GALNTL6: variants seen among roughly 807,000 people sequenced by gnomAD.
GALNTL6 encodes polypeptide N-acetylgalactosaminyltransferase like 6.
Under a neutral mutation model 73.7 loss-of-function variants are expected in GALNTL6, and 46 were observed. That is an observed-to-expected ratio of 0.62 (90% CI 0.49 to 0.80). The LOEUF is 0.80. Among genes scored for constraint, GALNTL6 ranks in the 30% least tolerant of loss-of-function variants. The pLI, the probability that GALNTL6 is intolerant of heterozygous loss-of-function variation, is 0.00. For synonymous variants in GALNTL6, 259 were observed against 263.7 expected (o/e 0.98, Z 0.17); for missense variants, 604 against 755.0 (o/e 0.80, Z 2.34).
chr4:172,765,237 C>G (rs2110841635), intron 5 of GALNTL6, among the ~76,000 whole-genome samples: 1 of 152,250 alleles, frequency 6.6e-6, no homozygotes, highest in South Asian at 2.1e-4. Flanking sequence ...GAAGGATCAA[C>G]TGCAGTGACA....
intron 5 of GALNTL6, among the ~76,000 whole-genome samples, chr4:172,741,942 C>T (rs1736829114): frequency 6.6e-6 from 1 of 151,308 alleles, no homozygotes; most frequent in Non-Finnish European, 1.5e-5. Flanking sequence ...GCTGACAATC[C>T]TATATAAAAC....
intron 2 of GALNTL6, among the ~76,000 whole-genome samples, chr4:171,967,456 T>TTTTTGTTTTG (rs1553976649): frequency 1.4e-5 from 2 of 140,708 alleles, no homozygotes; most frequent in African/African-American, 5.0e-5. Flanking sequence ...GGTTTTTTTT[T>TTTTTGTTTTG]TTTTTTTTTG....
chr4:171,868,085 C>T (rs1304179710), intron 2 of GALNTL6, among the ~76,000 whole-genome samples: 1 of 150,908 alleles, frequency 6.6e-6, no homozygotes, highest in Non-Finnish European at 1.5e-5. Flanking sequence ...CTCCTGGTCT[C>T]GAGCAATCCT....
At chr4:172,973,480 C>T (rs892148852) in intron 10 of GALNTL6, among the ~76,000 whole-genome samples, 12 of 151,878 alleles carry the variant, frequency 7.9e-5, no homozygotes, top group Non-Finnish European at 1.6e-4. Context: ...TCAATAAGTC[C>T]GTGGCAGAGA....
At chr4:172,606,566 C>CAT (rs1201826663) in intron 5 of GALNTL6, among the ~76,000 whole-genome samples, 1 of 133,720 alleles carries the variant, frequency 7.5e-6, no homozygotes, top group Non-Finnish European at 1.6e-5. Context: ...TATATATATA[C>CAT]ATATACATAG....
chr4:172,256,146 T>A (rs1738068238), intron 3 of GALNTL6, among the ~76,000 whole-genome samples: 1 of 151,500 alleles, frequency 6.6e-6, no homozygotes, highest in South Asian at 2.1e-4. Context: ...AAAATCACCA[T>A]CATCTTCCTG....
chr4:172,844,343 G>C (rs947383998), intron 7 of GALNTL6, among the ~76,000 whole-genome samples: 3 of 152,160 alleles, frequency 2.0e-5, no homozygotes, highest in Non-Finnish European at 4.4e-5. Flanking sequence ...ACCTTCTGAA[G>C]TTGGTGACTG....
At chr4:172,042,176 G>T (rs1218203844) in intron 2 of GALNTL6, among the ~76,000 whole-genome samples, 1 of 151,956 alleles carries the variant, frequency 6.6e-6, no homozygotes, top group African/African-American at 2.4e-5. Context: ...CCAAAACAAT[G>T]AAGTATAATA....
At chr4:172,293,133 CATCCT>C (rs1380461558) in intron 3 of GALNTL6, among the ~76,000 whole-genome samples, 2 of 152,108 alleles carry the variant, frequency 1.3e-5, no homozygotes, top group African/African-American at 4.8e-5. Flanking sequence ...TATTCTAAGT[CATCCT>C]ACTCTTCACT....
intron 2 of GALNTL6, among the ~76,000 whole-genome samples, chr4:171,846,287 A>C (rs1031154506): frequency 2.0e-5 from 3 of 152,204 alleles, no homozygotes; most frequent in African/African-American, 7.2e-5. Flanking sequence ...ACTTGCAGAC[A>C]GTGCAAAGTA....
chr4:172,495,503 G>A (rs1267546269), intron 5 of GALNTL6, among the ~76,000 whole-genome samples: 1 of 152,158 alleles, frequency 6.6e-6, no homozygotes, highest in Non-Finnish European at 1.5e-5. Flanking sequence ...CCTCTGCTGT[G>A]TCTTTTGGCC....
At chr4:171,989,921 C>G (rs906115569) in intron 2 of GALNTL6, among the ~76,000 whole-genome samples, 3 of 152,114 alleles carry the variant, frequency 2.0e-5, no homozygotes, top group Non-Finnish European at 4.4e-5. Context: ...GAAAAAGGAG[C>G]ATTAACCTTG....
intron 2 of GALNTL6, among the ~76,000 whole-genome samples, chr4:171,826,776 C>T (rs1381347397): frequency 6.6e-6 from 1 of 151,852 alleles, no homozygotes; most frequent in Admixed American, 6.6e-5. Flanking sequence ...GAAAAAGCAG[C>T]TTTTGGAAGA....
rs148458854 is a variant in GALNTL6 at position 171,994,713 on chromosome 4, G to A, written c.138+179995G>A. On this transcript the variant is annotated intron_variant, in intron 2 of 12. Coordinates refer to ENST00000506823, the MANE Select transcript of GALNTL6 (RefSeq NM_001034845.3). Reference sequence around the variant, plus strand: ...GTTTTGTTGCTGTGTTATTGCTATTGCAATACAAAATATGAAAAAAAAAGA... The same window carrying A: ...GTTTTGTTGCTGTGTTATTGCTATTACAATACAAAATATGAAAAAAAAAGA... Among the ~76,000 whole-genome samples the A allele has an allele frequency of 3.7e-3, 541 of 145,302 alleles. 5 individuals are homozygous for A. Among genetic ancestry groups the A allele is most frequent in the Non-Finnish European group, 6.6e-3 (423 of 64,286 alleles).
chr4:171,910,813 C>CA (rs1360575436), intron 2 of GALNTL6, among the ~76,000 whole-genome samples: 1 of 151,908 alleles, frequency 6.6e-6, no homozygotes, highest in Non-Finnish European at 1.5e-5. Flanking sequence ...TTTTCTTAAT[C>CA]AACAGGTTGG....
chr4:172,627,269 T>C (rs1441969810), intron 5 of GALNTL6, among the ~76,000 whole-genome samples: 1 of 152,152 alleles, frequency 6.6e-6, no homozygotes, highest in Non-Finnish European at 1.5e-5. Context: ...CTTTTGTTTT[T>C]AATTCTCTTT....
intron 5 of GALNTL6, among the ~76,000 whole-genome samples, chr4:172,527,231 A>G (rs1469357264): frequency 6.6e-6 from 1 of 152,158 alleles, no homozygotes; most frequent in Non-Finnish European, 1.5e-5. Flanking sequence ...AGTAGATTTG[A>G]TTTTGCTGGT....
At chr4:172,541,238 TC>T (rs1735541090) in intron 5 of GALNTL6, among the ~76,000 whole-genome samples, 1 of 152,140 alleles carries the variant, frequency 6.6e-6, no homozygotes, top group Non-Finnish European at 1.5e-5. Context: ...TAGCCTTAGG[TC>T]TTGTTTATAA....
intron 5 of GALNTL6, among the ~76,000 whole-genome samples, chr4:172,490,279 G>A (rs751319310): frequency 1.3e-5 from 2 of 151,916 alleles, no homozygotes; most frequent in African/African-American, 2.4e-5. Flanking sequence ...GCAATGCAGG[G>A]GCATAATAAA....
Sources: allele counts gnomAD v4.1 joint callset (sites outside exome capture counted in the v4.1 genomes callset), GRCh38; gene constraint gnomAD v4.1.1; transcripts MANE v1.5; gene names NCBI Gene and HGNC (gene_info 2026-07-23, HGNC 2026-07-21).